Variants in KIAA1217 observed in about 807,000 individuals in gnomAD.
The protein encoded by KIAA1217 is KIAA1217.
A neutral mutation model predicts 163.9 loss-of-function variants in KIAA1217; 88 were observed. The observed-to-expected ratio is 0.54, with a 90% CI of 0.45 to 0.64. KIAA1217 has a LOEUF of 0.64. Among genes scored for constraint, KIAA1217 ranks in the 30% least tolerant of loss-of-function variants. The pLI is 0.00. For synonymous variants in KIAA1217, 903 were observed against 923.1 expected, an observed-to-expected ratio of 0.98 and a Z score of 0.39; for missense variants, 2,372 against 2,475.0, an observed-to-expected ratio of 0.96 and a Z score of 0.88.
intron 17 of KIAA1217, among the ~76,000 whole-genome samples, chr10:24,541,823 G>C (rs533010360): frequency 2.4e-4 from 36 of 152,280 alleles, no homozygotes; most frequent in African/African-American, 7.9e-4. Flanking sequence ...GAGAATGAAA[G>C]CTGAGTCGTG....
chr10:24,426,501 G>A (rs1411715057), intron 3 of KIAA1217, among the ~76,000 whole-genome samples: 1 of 152,062 alleles, frequency 6.6e-6, no homozygotes, highest in African/African-American at 2.4e-5. Flanking sequence ...GCATATACCT[G>A]TAGTCCCAGC....
At chr10:24,278,854 C>CTTTTTTTTTTTTTTTT (rs11288814) in intron 2 of KIAA1217, among the ~76,000 whole-genome samples, 1 of 140,844 alleles carries the variant, frequency 7.1e-6, no homozygotes, top group Non-Finnish European at 1.5e-5. Context: ...ACTCAGATTA[C>CTTTTTTTTTTTTTTTT]TTTTTTTTTT....
At chr10:24,426,793 C>T (rs557337917) in intron 3 of KIAA1217, among the ~76,000 whole-genome samples, 18 of 152,242 alleles carry the variant, frequency 1.2e-4, no homozygotes, top group East Asian at 1.2e-3. Flanking sequence ...AAGTGCGTGG[C>T]GCAGCGTGTG....
chr10:24,094,279 T>A (rs953484878), intron 2 of KIAA1217, among the ~76,000 whole-genome samples: 5 of 152,156 alleles, frequency 3.3e-5, no homozygotes, highest in Non-Finnish European at 7.3e-5. Context: ...AGTGTAAAAG[T>A]GTTCCTATTT....
chr10:23,847,571 A>G (rs1185422799), intron 1 of KIAA1217, among the ~76,000 whole-genome samples: 2 of 151,828 alleles, frequency 1.3e-5, no homozygotes, highest in Non-Finnish European at 2.9e-5. Context: ...TACCCCCTTT[A>G]TCATTTTTTA....
At chr10:24,398,570 G>A (rs562301683) in intron 3 of KIAA1217, among the ~76,000 whole-genome samples, 2 of 152,236 alleles carry the variant, frequency 1.3e-5, no homozygotes, top group African/African-American at 4.8e-5. Context: ...AGGAAAGAAA[G>A]GAAAGTACAC....
rs994289778 is a variant in KIAA1217 at position 23,900,097 on chromosome 10, A to C, written c.-320-107128A>C. ...TCTTGGCTTACTGCAACCTCCCCTC[A>C]TGAGTTCAAGTGATTTTCCTGCCTC... On this transcript the variant is annotated intron_variant, in intron 1 of 18. Transcript: ENST00000376462. Among the ~76,000 whole-genome samples, 5 of 150,968 alleles carry C rather than the reference A, an allele frequency of 3.3e-5. No individual in the cohort carries two copies. In the East Asian group the frequency reaches 9.8e-4, roughly 29 times the overall value.
chr10:24,436,218 C>A (rs2060008037), intron 4 of KIAA1217, among the ~76,000 whole-genome samples: 1 of 151,990 alleles, frequency 6.6e-6, no homozygotes, highest in African/African-American at 2.4e-5. Flanking sequence ...GTGGAAAGAT[C>A]ACCGATTTAT....
At chr10:24,538,592 G>A (rs965827424) in intron 17 of KIAA1217, among the ~76,000 whole-genome samples, 1 of 64,200 alleles carries the variant, frequency 1.6e-5, no homozygotes, top group Non-Finnish European at 3.3e-5. Context: ...AAGGAAGGAA[G>A]GAAGGAAGGA....
At chr10:24,085,677 A>C (rs1589437440) in intron 2 of KIAA1217, among the ~76,000 whole-genome samples, 1 of 152,084 alleles carries the variant, frequency 6.6e-6, no homozygotes. Context: ...AGTTAAAAAA[A>C]AAAAAGTGCT....
At chr10:24,176,399 A>G (rs2065891908) in intron 2 of KIAA1217, among the ~76,000 whole-genome samples, 1 of 152,086 alleles carries the variant, frequency 6.6e-6, no homozygotes, top group African/African-American at 2.4e-5. Context: ...GTGCATTTAC[A>G]AATCTTTAGC....
chr10:23,718,460 T>C (rs777415526), intron 1 of KIAA1217, among the ~76,000 whole-genome samples: 1 of 152,222 alleles, frequency 6.6e-6, no homozygotes, highest in Non-Finnish European at 1.5e-5. Context: ...TTTTTTTCCA[T>C]GTTTAAATCT....
intron 3 of KIAA1217, among the ~76,000 whole-genome samples, chr10:24,410,339 A>T (rs1261784588): frequency 6.6e-6 from 1 of 152,134 alleles, no homozygotes; most frequent in Non-Finnish European, 1.5e-5. Flanking sequence ...ATGGGCATTT[A>T]TGTAATTTAT....
intron 2 of KIAA1217, among the ~76,000 whole-genome samples, chr10:24,290,156 C>A (rs1274209066): frequency 2.0e-5 from 3 of 151,998 alleles, no homozygotes; most frequent in Non-Finnish European, 4.4e-5. Flanking sequence ...GGTGCCAAGC[C>A]TTGTCCTAAG....
intron 3 of KIAA1217, among the ~76,000 whole-genome samples, chr10:24,403,815 T>A (rs2056853916): frequency 2.0e-5 from 3 of 152,112 alleles, no homozygotes; most frequent in Non-Finnish European, 2.9e-5. Flanking sequence ...GCACTACCCA[T>A]GCATCAGTAT....
At chr10:23,871,629 C>G (rs1281580306) in intron 1 of KIAA1217, among the ~76,000 whole-genome samples, 3 of 152,028 alleles carry the variant, frequency 2.0e-5, no homozygotes, top group Non-Finnish European at 4.4e-5. Flanking sequence ...AACATCTCCC[C>G]CTTCTACCCC....
At chr10:24,389,292 A>G (rs1014219477) in intron 3 of KIAA1217, among the ~76,000 whole-genome samples, 4 of 152,116 alleles carry the variant, frequency 2.6e-5, no homozygotes, top group African/African-American at 9.7e-5. Flanking sequence ...TCAGCAAACT[A>G]TCGCAAGGAC....
intron 2 of KIAA1217, among the ~76,000 whole-genome samples, chr10:24,100,934 A>G (rs2062388964): frequency 6.6e-6 from 1 of 152,250 alleles, no homozygotes; most frequent in Admixed American, 6.5e-5. Flanking sequence ...ATATATAGAA[A>G]AAATATGCCC....
chr10:23,941,040 A>G lies in KIAA1217; in HGVS notation c.-320-66185A>G, dbSNP rs530353525. Among the ~76,000 whole-genome samples, 219 of 152,306 alleles carry G rather than the reference A, an allele frequency of 1.4e-3. 3 individuals carry two copies. The highest frequency in any genetic ancestry group is 4.9e-3 in the African/African-American group (203 of 41,576). ...GCTCTGTCTGCAGGCGCCTGCAGAGAAAAGTGGTTCAAGTGCCTACAGCCC... is the reference window on the plus strand; with the variant it reads ...GCTCTGTCTGCAGGCGCCTGCAGAGGAAAGTGGTTCAAGTGCCTACAGCCC... On this transcript the variant is annotated intron_variant, in intron 1 of 18. Coordinates refer to the KIAA1217 transcript ENST00000376462.
Sources: gnomAD v4.1 joint callset for allele counts (sites outside exome capture counted in the v4.1 genomes callset) on GRCh38, gnomAD v4.1.1 for gene constraint, MANE v1.5 for transcripts, NCBI Gene and HGNC (gene_info 2026-07-23, HGNC 2026-07-21) for gene names.